KCTD16: variants seen among roughly 807,000 people sequenced by gnomAD.
The protein encoded by KCTD16 is BTB/POZ domain-containing protein KCTD16.
Under a neutral mutation model 33.2 loss-of-function variants are expected in KCTD16, and 13 were observed. The ratio of observed to expected loss-of-function variants is 0.39; its 90% CI spans 0.25 to 0.62. The LOEUF (loss-of-function observed/expected upper bound fraction) is 0.62, where lower values mean the gene tolerates loss of function less well. Ranked by LOEUF, KCTD16 falls within the 20% of genes least tolerant of loss-of-function variation. The pLI, the probability that KCTD16 is intolerant of heterozygous loss-of-function variation, is 0.50. For synonymous variants in KCTD16, 197 were observed against 195.3 expected, an observed-to-expected ratio of 1.01 and a Z score of -0.07; for missense variants, 441 against 525.1, an observed-to-expected ratio of 0.84 and a Z score of 1.57.
intron 3 of KCTD16, among the ~76,000 whole-genome samples, chr5:144,462,052 T>C (rs1046958737): frequency 6.6e-6 from 1 of 152,196 alleles, no homozygotes; most frequent in African/African-American, 2.4e-5. Context: ...CAGATTCTGC[T>C]TGGGATTTGA....
In KCTD16 at chr5:144,306,139, A is replaced by G. The variant is rs73312782; in HGVS notation, c.832+98593A>G. Among the ~76,000 whole-genome samples, 635 of 152,338 alleles carry G rather than the reference A, an allele frequency of 4.2e-3. 7 individuals are homozygous for G. The highest frequency in any genetic ancestry group is 0.014 in the African/African-American group (569 of 41,574). The stretch of plus-strand genomic sequence containing the variant: ...ATAGTTGATGATTACACAGAGGTTT[A>G]TGTAGCTACAGTCCTCCCATGCTCA... On this transcript the variant is annotated intron_variant, in intron 3 of 3. Coordinates refer to ENST00000512467, the MANE Select transcript of KCTD16 (RefSeq NM_020768.4).
At chr5:144,183,688 C>T (rs1020057517) in intron 2 of KCTD16, among the ~76,000 whole-genome samples, 1 of 152,110 alleles carries the variant, frequency 6.6e-6, no homozygotes, top group African/African-American at 2.4e-5. Context: ...CCTTCTCCTA[C>T]CCTACTAGAA....
intron 3 of KCTD16, among the ~76,000 whole-genome samples, chr5:144,241,026 C>T (rs1054011431): frequency 1.9e-4 from 29 of 152,118 alleles, no homozygotes; most frequent in Admixed American, 1.8e-3. Flanking sequence ...GCTCTCCTCC[C>T]TGTATTATAT....
chr5:144,255,674 T>C (rs549906311), intron 3 of KCTD16, among the ~76,000 whole-genome samples: 80 of 152,336 alleles, frequency 5.3e-4, no homozygotes, highest in African/African-American at 1.4e-3. Context: ...TTTTTGATAT[T>C]GAGTAAAAGG....
At chr5:144,445,560 G>A (rs1753801358) in intron 3 of KCTD16, among the ~76,000 whole-genome samples, 1 of 151,930 alleles carries the variant, frequency 6.6e-6, no homozygotes, top group African/African-American at 2.4e-5. Context: ...AACAGTTTAT[G>A]TTGTTTATTT....
At chr5:144,217,915 G>A (rs1753614983) in intron 3 of KCTD16, among the ~76,000 whole-genome samples, 1 of 151,976 alleles carries the variant, frequency 6.6e-6, no homozygotes, top group Non-Finnish European at 1.5e-5. Context: ...TTGACAGAGT[G>A]ACCTTCTTTA....
chr5:144,373,618 C>T (rs183851617), intron 3 of KCTD16, among the ~76,000 whole-genome samples: 58 of 152,170 alleles, frequency 3.8e-4, no homozygotes, highest in Non-Finnish European at 7.8e-4. Context: ...TTATTTTTTA[C>T]GTGATATGTC....
intron 3 of KCTD16, among the ~76,000 whole-genome samples, chr5:144,310,243 C>T (rs147908061): frequency 7.2e-5 from 11 of 152,060 alleles, no homozygotes; most frequent in African/African-American, 1.2e-4. Context: ...ATTTTTTATA[C>T]GGTTGAATAG....
chr5:144,462,579 A>C (rs1561616990), intron 3 of KCTD16, among the ~76,000 whole-genome samples: 1 of 151,766 alleles, frequency 6.6e-6, no homozygotes. Context: ...AAAAAAAAAA[A>C]AAACAAAAAA....
chr5:144,256,532 T>C (rs1477645834), intron 3 of KCTD16, among the ~76,000 whole-genome samples: 2 of 152,106 alleles, frequency 1.3e-5, no homozygotes, highest in Non-Finnish European at 2.9e-5. Context: ...ATAAGGTTCA[T>C]TACTTCTTGT....
At chr5:144,441,840 C>T (rs1471715981) in intron 3 of KCTD16, among the ~76,000 whole-genome samples, 1 of 139,590 alleles carries the variant, frequency 7.2e-6, no homozygotes, top group Admixed American at 7.1e-5. Context: ...ATGTTAAGAT[C>T]ATCTTGACAA....
At chr5:144,280,351 TA>T (rs1755564385) in intron 3 of KCTD16, among the ~76,000 whole-genome samples, 1 of 152,164 alleles carries the variant, frequency 6.6e-6, no homozygotes, top group African/African-American at 2.4e-5. Context: ...AGTTTTTTTT[TA>T]AAATAGCTAT....
chr5:144,386,371 A>G, intron 3 of KCTD16, among the ~76,000 whole-genome samples: 1 of 152,182 alleles, frequency 6.6e-6, no homozygotes, highest in Non-Finnish European at 1.5e-5. Flanking sequence ...TGAGATTTCT[A>G]GGCATTGTCA....
At chr5:144,230,157 A>G (rs1754058407) in intron 3 of KCTD16, among the ~76,000 whole-genome samples, 1 of 152,100 alleles carries the variant, frequency 6.6e-6, no homozygotes, top group Non-Finnish European at 1.5e-5. Flanking sequence ...ACAAAACAAA[A>G]CAAAATCAGC....
intron 3 of KCTD16, among the ~76,000 whole-genome samples, chr5:144,270,740 T>C (rs1404840348): frequency 1.3e-5 from 2 of 151,678 alleles, no homozygotes; most frequent in Non-Finnish European, 3.0e-5. Context: ...CAAAAGTTGG[T>C]TATTTGAAAA....
intron 3 of KCTD16, among the ~76,000 whole-genome samples, chr5:144,391,971 GA>G (rs1179463038): frequency 6.6e-6 from 1 of 152,128 alleles, no homozygotes; most frequent in African/African-American, 2.4e-5. Context: ...AGATGGTGGG[GA>G]AAAAACCATT....
intron 3 of KCTD16, among the ~76,000 whole-genome samples, chr5:144,322,117 AT>A (rs553167706): frequency 3.9e-5 from 6 of 151,974 alleles, no homozygotes. Context: ...CTAAAAGCAG[AT>A]TTTTTTTATT....
chr5:144,311,252 G>A (rs1045797119), intron 3 of KCTD16, among the ~76,000 whole-genome samples: 1 of 152,174 alleles, frequency 6.6e-6, no homozygotes, highest in Non-Finnish European at 1.5e-5. Context: ...CCTGCACATT[G>A]TGCACAAGTA....
At chr5:144,334,535 A>G (rs1752432931) in intron 3 of KCTD16, among the ~76,000 whole-genome samples, 1 of 152,166 alleles carries the variant, frequency 6.6e-6, no homozygotes, top group African/African-American at 2.4e-5. Context: ...TGGCATTCAC[A>G]GTAATAATAG....
Sources: allele counts gnomAD v4.1 joint callset (sites outside exome capture counted in the v4.1 genomes callset), GRCh38; gene constraint gnomAD v4.1.1; transcripts MANE v1.5; gene names NCBI Gene and HGNC (gene_info 2026-07-23, HGNC 2026-07-21).